The following ARHGEF4 variants were observed in gnomAD, a reference collection of about 807,000 sequenced individuals.
ARHGEF4 encodes the protein APC-stimulated guanine nucleotide exchange factor 1.
In ARHGEF4, 119 loss-of-function variants were observed where a neutral mutation model predicts 162.0. The observed-to-expected ratio is 0.73, with a 90% CI of 0.63 to 0.86. The LOEUF (loss-of-function observed/expected upper bound fraction) is 0.86. Among genes scored for constraint, ARHGEF4 ranks in the 40% least tolerant of loss-of-function variants. The probability of loss-of-function intolerance (pLI) is 0.00; values close to 1 mark genes in which losing one functional copy is unlikely to be tolerated. For missense variants in ARHGEF4, 2,488 were observed against 2,456.0 expected (o/e 1.01, Z -0.28); for synonymous variants, 1,014 against 979.9 (o/e 1.03, Z -0.65).
intron 4 of ARHGEF4, among the ~76,000 whole-genome samples, chr2:130,958,422 T>C (rs11891048): frequency 3.3e-5 from 5 of 151,214 alleles, no homozygotes; most frequent in South Asian, 2.1e-4. Context: ...GGGGAGGCGG[T>C]GGGAGGCAAC....
chr2:130,896,573 CAT>C (rs1173315826), intron 1 of ARHGEF4, among the ~76,000 whole-genome samples: 2 of 152,244 alleles, frequency 1.3e-5, no homozygotes, highest in Admixed American at 6.5e-5. Context: ...GCAGATGAAA[CAT>C]GTGAGGCCCA....
chr2:131,041,896 G>A lies in ARHGEF4; in HGVS notation c.4977G>A (p.Glu1659=). 2 of 1,613,694 alleles carry A rather than the reference G, an allele frequency of 1.2e-6. No homozygotes were observed. The highest frequency in any genetic ancestry group is 1.7e-6 in the Non-Finnish European group (2 of 1,180,032). ...QLINERKRRL[E]NIDKIAQWQS... ...TCAACGAGCGGAAGCGGAGACTTGA[G>A]AACATCGACAAGATTGCTCAGTGGC... The change falls in exon 10 of 14, where the codon GAG becomes GAA. Residue 1659 remains glutamate (E), a synonymous_variant. Transcript: ENST00000409359.
chr2:130,901,921 C>T (rs1176069865), intron 1 of ARHGEF4, among the ~76,000 whole-genome samples: 1 of 152,194 alleles, frequency 6.6e-6, no homozygotes, highest in Non-Finnish European at 1.5e-5. Flanking sequence ...ACAACAAGGA[C>T]AGCCCTTATG....
At chr2:130,874,742 C>T (rs1678711757) in intron 1 of ARHGEF4, among the ~76,000 whole-genome samples, 2 of 152,186 alleles carry the variant, frequency 1.3e-5, no homozygotes, top group Non-Finnish European at 2.9e-5. Context: ...GCCATCACCA[C>T]AGCATTGGTC....
intron 4 of ARHGEF4, among the ~76,000 whole-genome samples, chr2:130,983,276 C>G (rs1193149149): frequency 1.3e-5 from 2 of 152,158 alleles, no homozygotes; most frequent in African/African-American, 4.8e-5. Context: ...CAGATGTTCA[C>G]TGAAATAAGA....
rs1445744616 is a variant in ARHGEF4 at position 130,915,592 on chromosome 2, G to A, written c.1646G>A (p.Ser549Asn). 6.4e-7 allele frequency: 1 copy of A among 1,550,470 alleles called. No homozygotes were observed. The highest frequency in any genetic ancestry group is 2.4e-5 in the East Asian group (1 of 40,934). Residue 549 changes from serine (S) to asparagine (N), a missense_variant, in exon 2 of 14, where the codon AGT (serine) becomes AAT (asparagine). Physicochemically the swap from Ser to Asn is conservative, Grantham distance 46 (BLOSUM62 1). Around this residue, in one of 6 missense-constraint regions of ARHGEF4, gnomAD observed 1,642 missense variants for 1,481.5 expected, o/e 1.11. Transcript: ENST00000409359. Reference protein sequence around the residue: ...DLMGCLEVSDSSDAPETTQKS... With the variant: ...DLMGCLEVSDNSDAPETTQKS... ...ATGGGCTGCTTGGAAGTGAGTGACA[G>A]TTCAGATGCCCCTGAGACCACCCAG... is the stretch of plus-strand genomic sequence containing the variant.
In ARHGEF4 at chr2:130,916,024, C is replaced by T; in HGVS notation, c.2078C>T (p.Ala693Val). ...GCCGGTAATGAGTGTGAGTTGCCAG[C>T]AGCCCCCATACAGGGAGCTGGCGAT... Reference protein sequence around the residue: ...TPAGNECELPAAPIQGAGDGA... With the variant: ...TPAGNECELPVAPIQGAGDGA... The change falls in exon 2 of 14, where the codon GCA becomes GTA. Residue 693 changes from alanine to valine, a missense_variant. Physicochemically the swap from Ala to Val is moderately conservative, Grantham distance 64. Coordinates refer to ENST00000409359, the MANE Select transcript of ARHGEF4 (RefSeq NM_001367493.1). 6.4e-7 allele frequency: 1 copy of T among 1,550,422 alleles called. No homozygotes were observed. Among genetic ancestry groups the T allele is most frequent in the Non-Finnish European group, 8.7e-7 (1 of 1,146,936 alleles).
At chr2:130,905,698 GAA>G (rs911047796) in intron 1 of ARHGEF4, among the ~76,000 whole-genome samples, 1 of 152,114 alleles carries the variant, frequency 6.6e-6, no homozygotes, top group African/African-American at 2.4e-5. Flanking sequence ...GAGAGGGAGA[GAA>G]AGAGACCACA....
At chr2:130,969,393 C>A (rs1011149587) in intron 4 of ARHGEF4, among the ~76,000 whole-genome samples, 1 of 151,848 alleles carries the variant, frequency 6.6e-6, no homozygotes, top group South Asian at 2.1e-4. Context: ...ATCAGGAGAG[C>A]GAGACCATCC....
At chr2:131,003,301 C>T (rs1687902591) in intron 4 of ARHGEF4, among the ~76,000 whole-genome samples, 1 of 152,224 alleles carries the variant, frequency 6.6e-6, no homozygotes. Flanking sequence ...ATGGCCATTC[C>T]TGTTCCACAC....
At chr2:130,886,036 C>G (rs560731695) in intron 1 of ARHGEF4, among the ~76,000 whole-genome samples, 6 of 152,158 alleles carry the variant, frequency 3.9e-5, no homozygotes, top group Admixed American at 3.9e-4. Flanking sequence ...CTGTTGTGAT[C>G]ACATGTTTAA....
In ARHGEF4 at chr2:131,046,032, G is replaced by A. The variant is rs1275843697; in HGVS notation, c.5480-6G>A. 4.3e-6 allele frequency: 7 copies of A among 1,609,336 alleles called. No individual in the cohort carries two copies. Among genetic ancestry groups the A allele is most frequent in the Non-Finnish European group, 5.9e-6 (7 of 1,177,552 alleles). Reference sequence around the variant, plus strand: ...CCATGACCCTCTGCTGTCTCTCCCTGTTCAGCTGTTGGCCGGCCCTGCTAC... The same window carrying A: ...CCATGACCCTCTGCTGTCTCTCCCTATTCAGCTGTTGGCCGGCCCTGCTAC... On this transcript the variant is annotated splice_region_variant and splice_polypyrimidine_tract_variant and intron_variant, in intron 13 of 13. Coordinates refer to ENST00000409359, the MANE Select transcript of ARHGEF4 (RefSeq NM_001367493.1).
chr2:130,870,701 T>C (rs1472250267), intron 1 of ARHGEF4, among the ~76,000 whole-genome samples: 1 of 152,128 alleles, frequency 6.6e-6, no homozygotes, highest in Non-Finnish European at 1.5e-5. Flanking sequence ...GTGCTCCTTA[T>C]GTGCCAGGTA....
chr2:130,916,708 A>T lies in ARHGEF4; in HGVS notation c.2762A>T (p.Glu921Val). ...LAHKTFSNFI[E>V]SIVLEKENTH... ...CATAAGACCTTTTCAAACTTTATTG[A>T]GTCAATAGTTCTAGAGAAAGAGAAC... The change falls in exon 2 of 14, where the codon GAG becomes GTG. Residue 921 changes from glutamate to valine, a missense_variant. Glu to Val is a moderately radical substitution (Grantham distance 121). This residue lies in a region of ARHGEF4 where 1,642 missense variants were observed against 1,481.5 expected (regional missense o/e 1.11). Transcript: ENST00000409359. 2 of 1,550,678 alleles carry T rather than the reference A, an allele frequency of 1.3e-6. No individual in the cohort carries two copies. Among genetic ancestry groups the T allele is most frequent in the Non-Finnish European group, 1.7e-6 (2 of 1,147,012 alleles).
chr2:130,973,212 A>C (rs1484195597), intron 4 of ARHGEF4, among the ~76,000 whole-genome samples: 1 of 152,238 alleles, frequency 6.6e-6, no homozygotes, highest in Non-Finnish European at 1.5e-5. Context: ...AATGAGGCCG[A>C]ATGAGGTGGC....
intron 2 of ARHGEF4, among the ~76,000 whole-genome samples, chr2:130,919,327 G>C (rs1331832888): frequency 6.6e-6 from 1 of 152,084 alleles, no homozygotes; most frequent in Non-Finnish European, 1.5e-5. Context: ...TTGCACAAAG[G>C]GCAGGGGTAT....
chr2:131,042,061 T>C, intron 10 of ARHGEF4, 117 bp downstream of exon 10: 1 of 1,369,902 alleles, frequency 7.3e-7, no homozygotes, highest in Admixed American at 2.5e-5. Flanking sequence ...TCCTGGGAGC[T>C]AGCAACAGAT....
At chr2:131,005,487 C>A (rs894319624) in intron 4 of ARHGEF4, among the ~76,000 whole-genome samples, 2 of 152,198 alleles carry the variant, frequency 1.3e-5, no homozygotes, top group Non-Finnish European at 2.9e-5. Flanking sequence ...ACTGCCCAGT[C>A]CTGTTCTGTG....
chr2:130,979,925 A>G (rs1196095229), intron 4 of ARHGEF4, among the ~76,000 whole-genome samples: 1 of 152,086 alleles, frequency 6.6e-6, no homozygotes, highest in African/African-American at 2.4e-5. Flanking sequence ...AAACAATAAG[A>G]CCTAATACTT....
Sources: gnomAD v4.1 joint callset for allele counts (sites outside exome capture counted in the v4.1 genomes callset) on GRCh38, gnomAD v4.1.1 for gene constraint, gnomAD v4.1.1 regional missense constraint, MANE v1.5 for transcripts, NCBI Gene and HGNC (gene_info 2026-07-23, HGNC 2026-07-21) for gene names.